Variants in VTI1A observed in about 807,000 individuals in gnomAD.
The protein encoded by VTI1A is vesicle transport through interaction with t-SNAREs 1A.
A neutral mutation model predicts 34.9 loss-of-function variants in VTI1A; 22 were observed. The observed-to-expected ratio is 0.63, with a 90% CI of 0.45 to 0.90. The LOEUF is 0.90. Ranked by LOEUF, VTI1A falls within the 40% of genes least tolerant of loss-of-function variation. VTI1A has a pLI of 0.00. For synonymous variants in VTI1A, 87 were observed against 97.3 expected (o/e 0.89, Z 0.62); for missense variants, 268 against 275.6 (o/e 0.97, Z 0.20).
intron 5 of VTI1A, among the ~76,000 whole-genome samples, chr10:112,622,800 G>T (rs1349559873): frequency 6.6e-6 from 1 of 152,204 alleles, no homozygotes; most frequent in Non-Finnish European, 1.5e-5. Flanking sequence ...AAGTTAGGAA[G>T]TAGATTGGTA....
At chr10:112,576,774 A>G (rs2134384854) in intron 5 of VTI1A, among the ~76,000 whole-genome samples, 1 of 152,356 alleles carries the variant, frequency 6.6e-6, no homozygotes, top group African/African-American at 2.4e-5. Flanking sequence ...TTTAGGCTAT[A>G]TATGTCACAG....
chr10:112,546,086 GCGTATGTGTGTATATACGTGTATACA>G (rs1564821536), intron 5 of VTI1A, among the ~76,000 whole-genome samples: 16 of 145,592 alleles, frequency 1.1e-4, no homozygotes, highest in Middle Eastern at 3.5e-3. Context: ...ACGTGTATAC[GCGTATGTGTGTATATACGTGTATACA>G]CGTGTGTGTG....
chr10:112,572,693 C>A (rs907285688), intron 5 of VTI1A, among the ~76,000 whole-genome samples: 4 of 151,946 alleles, frequency 2.6e-5, no homozygotes, highest in Admixed American at 2.6e-4. Context: ...AAAAAATTAG[C>A]CGGGCGCGGT....
chr10:112,753,632 C>T (rs1405169860), intron 7 of VTI1A, among the ~76,000 whole-genome samples: 1 of 152,064 alleles, frequency 6.6e-6, no homozygotes, highest in African/African-American at 2.4e-5. Context: ...GCTATTTTCC[C>T]CTGGTAAGGG....
At chr10:112,777,249 A>G (rs148046823) in intron 7 of VTI1A, among the ~76,000 whole-genome samples, 1 of 152,362 alleles carries the variant, frequency 6.6e-6, no homozygotes, top group East Asian at 1.9e-4. Context: ...ACAAGTTCCC[A>G]GGTGTGGCTG....
At position 112,620,275 on chromosome 10, in the gene VTI1A, C is replaced by G. The variant is rs765027096; in HGVS notation, c.428-47943C>G. 9.1e-4 allele frequency among the ~76,000 whole-genome samples: 138 copies of G among 152,148 alleles called. 1 individual carries two copies. The highest frequency in any genetic ancestry group is 2.1e-4 in the Non-Finnish European group (14 of 68,030). On this transcript the variant is annotated intron_variant, in intron 5 of 7. Transcript: ENST00000393077. Reference sequence around the variant, plus strand: ...ATTTATTCTTTATTTATGTGCAATACATTGTACTAGGCACTGTGGATCTAT... The same window carrying G: ...ATTTATTCTTTATTTATGTGCAATAGATTGTACTAGGCACTGTGGATCTAT...
At chr10:112,674,275 G>T (rs1847957100) in intron 7 of VTI1A, among the ~76,000 whole-genome samples, 1 of 152,108 alleles carries the variant, frequency 6.6e-6, no homozygotes, top group Non-Finnish European at 1.5e-5. Context: ...TTAATCAAGT[G>T]CTTATTCTTT....
At chr10:112,668,438 G>A (rs1847725114) in intron 6 of VTI1A, 150 bp downstream of exon 6, 1 of 788,618 alleles carries the variant, frequency 1.3e-6, no homozygotes, top group Non-Finnish European at 2.0e-6. Flanking sequence ...GGAAGAGGGT[G>A]AGATGGAGCA....
chr10:112,660,536 C>A (rs1262413835), intron 5 of VTI1A, among the ~76,000 whole-genome samples: 1 of 152,180 alleles, frequency 6.6e-6, no homozygotes, highest in East Asian at 1.9e-4. Context: ...TTCTTGATTT[C>A]TTTCAGTTTG....
rs1850790874 is a variant in VTI1A, at chr10:112,743,933, T to G, written c.561-71357T>G. On this transcript the variant is annotated intron_variant, in intron 7 of 7. Coordinates refer to ENST00000393077, the MANE Select transcript of VTI1A (RefSeq NM_145206.4). The stretch of plus-strand genomic sequence containing the variant: ...CCCTGTTCAACCTCAAGTTTCCTTA[T>G]AAGACCAAGTCTGCAGCACCTTGAA... 2.6e-5 allele frequency among the ~76,000 whole-genome samples: 4 copies of G among 152,326 alleles called. No individual in the cohort carries two copies. The South Asian group carries it at 8.3e-4, about 32-fold the overall frequency.
intron 7 of VTI1A, among the ~76,000 whole-genome samples, chr10:112,679,862 C>T (rs1250840498): frequency 6.6e-6 from 1 of 152,026 alleles, no homozygotes; most frequent in Non-Finnish European, 1.5e-5. Context: ...CACTCCCTGT[C>T]TCAAGCCATA....
At chr10:112,646,749 G>A (rs1257929050) in intron 5 of VTI1A, among the ~76,000 whole-genome samples, 1 of 152,080 alleles carries the variant, frequency 6.6e-6, no homozygotes, top group Non-Finnish European at 1.5e-5. Flanking sequence ...GACCTCAGGT[G>A]ATCCACCCGC....
At chr10:112,677,963 C>G (rs1848089625) in intron 7 of VTI1A, 1 of 152,212 alleles carries the variant, frequency 6.6e-6, no homozygotes, top group South Asian at 2.1e-4. Flanking sequence ...AATGAATAGT[C>G]TTTGGAAGAA....
intron 2 of VTI1A, among the ~76,000 whole-genome samples, chr10:112,462,233 T>G (rs1847751249): frequency 4.6e-5 from 7 of 152,254 alleles, no homozygotes; most frequent in Admixed American, 4.6e-4. Context: ...GCTGACCATC[T>G]GATTTGTATT....
At chr10:112,668,517 A>T (rs1738941520) in intron 6 of VTI1A, among the ~76,000 whole-genome samples, 1 of 152,152 alleles carries the variant, frequency 6.6e-6, no homozygotes, top group Admixed American at 6.6e-5. Flanking sequence ...CTTCTTATAG[A>T]GGAGAAGGTC....
chr10:112,614,827 G>C (rs1324489818), intron 5 of VTI1A, among the ~76,000 whole-genome samples: 1 of 152,200 alleles, frequency 6.6e-6, no homozygotes, highest in Non-Finnish European at 1.5e-5. Flanking sequence ...AATCTTGTGA[G>C]ATCTGTGACA....
chr10:112,829,988 T>G, the VTI1A span, among the ~76,000 whole-genome samples: 1 of 151,980 alleles, frequency 6.6e-6, no homozygotes, highest in South Asian at 2.1e-4. Flanking sequence ...TGAGGGGCAA[T>G]TAAAAGGGAA....
At chr10:112,604,792 T>C (rs1845013015) in intron 5 of VTI1A, among the ~76,000 whole-genome samples, 1 of 152,214 alleles carries the variant, frequency 6.6e-6, no homozygotes, top group South Asian at 2.1e-4. Flanking sequence ...GGTGACCTTG[T>C]CTAATTAAAG....
chr10:112,540,318 A>G (rs527738384), intron 5 of VTI1A, among the ~76,000 whole-genome samples: 232 of 152,328 alleles, frequency 1.5e-3, no homozygotes, highest in African/African-American at 5.4e-3. Context: ...GGAAATGTCA[A>G]CTTAAGAGTG....
Sources: gnomAD v4.1 joint callset for allele counts (sites outside exome capture counted in the v4.1 genomes callset) on GRCh38, gnomAD v4.1.1 for gene constraint, MANE v1.5 for transcripts, NCBI Gene and HGNC (gene_info 2026-07-23, HGNC 2026-07-21) for gene names.